Variants in GABBR1 observed in about 807,000 individuals in gnomAD.
GABBR1 encodes the protein GABA-B receptor, R1 subunit.
A neutral mutation model predicts 117.7 loss-of-function variants in GABBR1; 35 were observed. The ratio of observed to expected loss-of-function variants is 0.30; its 90% CI spans 0.23 to 0.39. The LOEUF is 0.39. Among genes scored for constraint, GABBR1 ranks in the 10% least tolerant of loss-of-function variants. GABBR1 has a pLI of 1.00. For missense variants in GABBR1, 709 were observed against 1,241.8 expected (o/e 0.57, Z 6.45); for synonymous variants, 442 against 486.6 (o/e 0.91, Z 1.21).
At position 29,632,343 on chromosome 6, in the gene GABBR1, G is replaced by C; in HGVS notation, c.43C>G (p.Pro15Ala). 1 of 1,364,776 alleles carries C rather than the reference G, an allele frequency of 7.3e-7. No individual in the cohort carries two copies. The highest frequency in any genetic ancestry group is 9.5e-7 in the Non-Finnish European group (1 of 1,054,636). 84.5% of individuals were successfully genotyped at this position (1,364,776 alleles called of 1,614,324 possible). A position where few individuals can be genotyped will look rare whatever the true frequency, so the allele number is the denominator to read the frequency against. Residue 15 changes from proline (P) to alanine (A), a missense_variant, in exon 2 of 23, where the codon CCG (proline) becomes GCG (alanine). Pro to Ala is a conservative substitution (Grantham distance 27). Around this residue, in one of 9 missense-constraint regions of GABBR1, gnomAD observed 43 missense variants for 42.8 expected, o/e 1.00. Transcript: ENST00000377034. The surrounding 1 kb of genome is among the most constrained non-coding windows in gnomAD (Gnocchi z 5.8). ...LLLAPLFLRP[P>A]GAGGAQTPNA... ...GGGGTCTGCGCCCCGCCCGCGCCCG[G>C]GGGGCGGAGGAAGAGTGGCGCCAGT...
rs779157319 is a variant in GABBR1 at position 29,621,061 on chromosome 6, A to G, written c.1323+40T>C. 5 of 1,578,418 alleles carry G rather than the reference A, an allele frequency of 3.2e-6. No individual in the cohort carries two copies. In the East Asian group the frequency reaches 8.9e-5, roughly 28 times the overall value. On this transcript the variant is annotated intron_variant, in intron 11 of 22. Coordinates refer to ENST00000377034, the MANE Select transcript of GABBR1 (RefSeq NM_001470.4). This position sits in a 1 kb window ranked among gnomAD's most constrained non-coding sequence, Gnocchi z 5.0. ...CTGCAAGGCCCCCTCAGTCCTCTCCACCCTCCCAGGTGCCAGACTGCAAGT... is the reference window on the plus strand; with the variant it reads ...CTGCAAGGCCCCCTCAGTCCTCTCCGCCCTCCCAGGTGCCAGACTGCAAGT...
chr6:29,629,118 G>A lies in GABBR1; in HGVS notation c.476-11C>T, dbSNP rs1371626924. On this transcript the variant is annotated splice_polypyrimidine_tract_variant and intron_variant, in intron 4 of 22. Transcript: ENST00000377034. ...GTGGCGTTCGATTCACTGGCAGCAGGAAAGACGGGGATCAGAGAAGAGTTA... is the reference window on the plus strand; with the variant it reads ...GTGGCGTTCGATTCACTGGCAGCAGAAAAGACGGGGATCAGAGAAGAGTTA... 1.2e-6 allele frequency: 2 copies of A among 1,612,972 alleles called. No individual in the cohort carries two copies. Among genetic ancestry groups the A allele is most frequent in the Non-Finnish European group, 1.7e-6 (2 of 1,180,010 alleles).
intron 11 of GABBR1, among the ~76,000 whole-genome samples, chr6:29,618,669 T>C (rs902722801): frequency 6.6e-6 from 1 of 152,100 alleles, no homozygotes; most frequent in Non-Finnish European, 1.5e-5. Flanking sequence ...ACCTCCCACA[T>C]TCCCCTCTAG....
rs1762262628 is a variant in GABBR1, at chr6:29,609,083, C to T, written c.1859+146G>A. 6.2e-6 allele frequency: 5 copies of T among 810,856 alleles called. No homozygotes were observed. The African/African-American group carries it at 6.9e-5, about 11-fold the overall frequency. 50.2% of individuals were successfully genotyped at this position (810,856 alleles called of 1,614,324 possible). ...TAGGAGTGGGGGTTATATCTGGTTT[C>T]CCTGTTTTCATTCTCAACAAGTCAG... On this transcript the variant is annotated intron_variant, in intron 15 of 22. Transcript: ENST00000377034. This position sits in a 1 kb window ranked among gnomAD's most constrained non-coding sequence, Gnocchi z 4.3.
chr6:29,625,130 C>T (rs1035813588), intron 6 of GABBR1, among the ~76,000 whole-genome samples: 1 of 152,142 alleles, frequency 6.6e-6, no homozygotes, highest in African/African-American at 2.4e-5. Context: ...ATCTGAAGAA[C>T]CAGCAGTCAC....
Position 29,627,464 on chromosome 6 carries a change from C to A in GABBR1, c.657+22G>T. 6.5e-7 allele frequency: 1 copy of A among 1,544,236 alleles called. No homozygotes were observed. ...TGCCCCGCAAGCCCCCACCTCCCAC[C>A]CACCCCCATGTCCAGGGCTACCTTG... On this transcript the variant is annotated intron_variant, in intron 6 of 22. Transcript: ENST00000377034. This position sits in a 1 kb window ranked among gnomAD's most constrained non-coding sequence, Gnocchi z 4.4.
chr6:29,604,406 TATCTCAGGCTTGGCTTCA>T lies in GABBR1; in HGVS notation c.2712+70_2712+87del. On this transcript the variant is annotated intron_variant, in intron 22 of 22. Transcript: ENST00000377034. This position sits in a 1 kb window ranked among gnomAD's most constrained non-coding sequence, Gnocchi z 5.3. ...CATGAGCCAAGAACATCTGACCCTGTATCTCAGGCTTGGCTTCAGACAACCCAAGCTAAGACGCAAGCC... is the reference window on the plus strand; with the variant it reads ...CATGAGCCAAGAACATCTGACCCTGTGACAACCCAAGCTAAGACGCAAGCC... 1 of 1,529,338 alleles carries T rather than the reference TATCTCAGGCTTGGCTTCA, an allele frequency of 6.5e-7. No homozygotes were observed. Among genetic ancestry groups the T allele is most frequent in the South Asian group, 1.1e-5 (1 of 87,678 alleles). The allele number at this position is 1,529,338 out of a possible 1,614,324, so 94.7% of individuals were successfully genotyped here.
At position 29,605,410 on chromosome 6, in the gene GABBR1, T is replaced by C; in HGVS notation, c.2439+159A>G. ...TAATGATACAATGTCTGTAGTGAGC[T>C]TTGTAAACTGTAAAGTGCTTTATAG... On this transcript the variant is annotated intron_variant, in intron 20 of 22. Coordinates refer to ENST00000377034, the MANE Select transcript of GABBR1 (RefSeq NM_001470.4). The surrounding 1 kb of genome is among the most constrained non-coding windows in gnomAD (Gnocchi z 4.2). 1.2e-6 allele frequency: 1 copy of C among 820,532 alleles called. No individual in the cohort carries two copies. Among genetic ancestry groups the C allele is most frequent in the Non-Finnish European group, 1.9e-6 (1 of 515,674 alleles). The allele number at this position is 820,532 out of a possible 1,614,324, so 50.8% of individuals were successfully genotyped here.
At position 29,621,913 on chromosome 6, in the gene GABBR1, T is replaced by C; in HGVS notation, c.1066-96A>G. ...ACAGCTTTGATTTCCCATCCCAAAG[T>C]GCTTAGTGCAGGGTAACGCTCAACG... On this transcript the variant is annotated intron_variant, in intron 9 of 22. Coordinates refer to ENST00000377034, the MANE Select transcript of GABBR1 (RefSeq NM_001470.4). This position sits in a 1 kb window ranked among gnomAD's most constrained non-coding sequence, Gnocchi z 5.0. 7.7e-7 allele frequency: 1 copy of C among 1,307,122 alleles called. No individual in the cohort carries two copies. Among genetic ancestry groups the C allele is most frequent in the Non-Finnish European group, 1.1e-6 (1 of 908,654 alleles). The allele number at this position is 1,307,122 out of a possible 1,614,324, so 81.0% of individuals were successfully genotyped here.
Position 29,608,723 on chromosome 6 carries a change from T to C in GABBR1, c.1870A>G (p.Asn624Asp). Residue 624 changes from asparagine (N) to aspartate (D), a missense_variant, in exon 16 of 23, where the codon AAC becomes GAC. By Grantham distance (23) the Asn-to-Asp change is conservative. Transcript: ENST00000377034. ...IYNSHVRYIQNSQPNLNNLTA... is the reference protein window; with the variant it reads ...IYNSHVRYIQDSQPNLNNLTA... ...AGGTTGTTCAGGTTGGGCTGTGAGT[T>C]CTGGATATAACTAGGGCAGAGGTGG... 6.2e-7 allele frequency: 1 copy of C among 1,612,990 alleles called. No individual in the cohort carries two copies. Among genetic ancestry groups the C allele is most frequent in the Non-Finnish European group, 8.5e-7 (1 of 1,179,996 alleles).
chr6:29,621,093 ACT>A lies in GABBR1; in HGVS notation c.1323+6_1323+7del, dbSNP rs1330972389. ...CAGGTGCCAGACTGCAAGTCCCCAC[ACT>A]CTCACCATGTTGGAAATGCTGCGGG... On this transcript the variant is annotated splice_donor_region_variant and intron_variant, in intron 11 of 22. Transcript: ENST00000377034. This position sits in a 1 kb window ranked among gnomAD's most constrained non-coding sequence, Gnocchi z 5.0. The A allele has an allele frequency of 1.2e-6, 2 of 1,609,772 alleles. No homozygotes were observed. Among genetic ancestry groups the A allele is most frequent in the Non-Finnish European group, 1.7e-6 (2 of 1,178,700 alleles).
At position 29,621,301 on chromosome 6, in the gene GABBR1, A is replaced by G; in HGVS notation, c.1132-9T>C. The stretch of plus-strand genomic sequence containing the variant: ...AGACGCTCCTTGTACACCTGAATAC[A>G]GAGGAGAATGGCTGAGTTTTTGTTT... On this transcript the variant is annotated splice_polypyrimidine_tract_variant and intron_variant, in intron 10 of 22. Coordinates refer to ENST00000377034, the MANE Select transcript of GABBR1 (RefSeq NM_001470.4). The surrounding 1 kb of genome is among the most constrained non-coding windows in gnomAD (Gnocchi z 5.0). 1 of 1,606,506 alleles carries G rather than the reference A, an allele frequency of 6.2e-7. No homozygotes were observed. Among genetic ancestry groups the G allele is most frequent in the Non-Finnish European group, 8.5e-7 (1 of 1,176,384 alleles).
rs1244218074 is a variant in GABBR1, at chr6:29,603,719, G to A, written c.2713-3C>T. On this transcript the variant is annotated splice_region_variant and splice_polypyrimidine_tract_variant and intron_variant, in intron 22 of 22. Coordinates refer to ENST00000377034, the MANE Select transcript of GABBR1 (RefSeq NM_001470.4). The stretch of plus-strand genomic sequence containing the variant: ...AGTTCAGAGACACGCTCCTCTTTCT[G>A]GAGGAAGAAGCACAATTGGGATAGT... The A allele has an allele frequency of 8.8e-6, 13 of 1,478,672 alleles. 1 individual carries two copies. The South Asian group carries it at 9.0e-5, about 10-fold the overall frequency. The allele number at this position is 1,478,672 out of a possible 1,614,324, so 91.6% of individuals were successfully genotyped here.
rs1761811137 is a variant in GABBR1 at position 29,605,068 on chromosome 6, G to A, written c.2440-80C>T. ...CAGAGTTTACTTCCCATGGGAGGGA[G>A]TCTATGCAGACAGTTTCCTGGTGAA... On this transcript the variant is annotated intron_variant, in intron 20 of 22. Coordinates refer to ENST00000377034, the MANE Select transcript of GABBR1 (RefSeq NM_001470.4). The surrounding 1 kb of genome is among the most constrained non-coding windows in gnomAD (Gnocchi z 4.2). The A allele has an allele frequency of 1.4e-6, 2 of 1,402,680 alleles. No homozygotes were observed. Among genetic ancestry groups the A allele is most frequent in the Admixed American group, 2.6e-5 (1 of 37,838 alleles). 86.9% of individuals were successfully genotyped at this position (1,402,680 alleles called of 1,614,324 possible).
In GABBR1 at chr6:29,632,535, G is replaced by C; in HGVS notation, c.1-150C>G. 1 of 896,176 alleles carries C rather than the reference G, an allele frequency of 1.1e-6. No individual in the cohort carries two copies. 55.5% of individuals were successfully genotyped at this position (896,176 alleles called of 1,614,324 possible). A position where few individuals can be genotyped will look rare whatever the true frequency, so the allele number is the denominator to read the frequency against. ...AGCGCCCCGCGGAGGAGGCGGGGGC[G>C]GAGCCCCGCGCGGGGTGGGGGGAGA... On this transcript the variant is annotated intron_variant, in intron 1 of 22. Coordinates refer to ENST00000377034, the MANE Select transcript of GABBR1 (RefSeq NM_001470.4). This position sits in a 1 kb window ranked among gnomAD's most constrained non-coding sequence, Gnocchi z 5.8.
In GABBR1 at chr6:29,620,271, C is replaced by G. The variant is rs1763611225; in HGVS notation, c.1323+830G>C. ...CATGAATCTAAGTACCACACAAATG[C>G]CACTGTTAGTAAAACTTTTTAAATC... On this transcript the variant is annotated intron_variant, in intron 11 of 22. Coordinates refer to ENST00000377034, the MANE Select transcript of GABBR1 (RefSeq NM_001470.4). The surrounding 1 kb of genome is among the most constrained non-coding windows in gnomAD (Gnocchi z 4.5). Among the ~76,000 whole-genome samples the G allele has an allele frequency of 1.3e-5, 2 of 152,216 alleles. No homozygotes were observed. Among genetic ancestry groups the G allele is most frequent in the African/African-American group, 4.8e-5 (2 of 41,446 alleles).
In GABBR1 at chr6:29,606,119, GAGGTGGGGTTACCCC is replaced by G. The variant is rs1761927787; in HGVS notation, c.2311+257_2311+271del. The G allele has an allele frequency of 1.1e-5, 6 of 557,270 alleles. No individual in the cohort carries two copies. In the South Asian group the frequency reaches 1.3e-4, roughly 12 times the overall value. The allele number at this position is 557,270 out of a possible 1,614,324, so 34.5% of individuals were successfully genotyped here. ...GATCTAAAAGATAATGTCAAGTCTG[GAGGTGGGGTTACCCC>G]CACTTGTTCCTCTGCTGAACACAAG... is the stretch of plus-strand genomic sequence containing the variant. On this transcript the variant is annotated intron_variant, in intron 19 of 22. Transcript: ENST00000377034. The surrounding 1 kb of genome is among the most constrained non-coding windows in gnomAD (Gnocchi z 4.5).
chr6:29,632,650 C>G lies in GABBR1; in HGVS notation c.-1+200G>C. The stretch of plus-strand genomic sequence containing the variant: ...CCACCTCTCACCACCTCCTCTCCCC[C>G]GGCCCCCGCGGCTCGCAGAAGCCTG... On this transcript the variant is annotated intron_variant, in intron 1 of 22. Coordinates refer to ENST00000377034, the MANE Select transcript of GABBR1 (RefSeq NM_001470.4). This position sits in a 1 kb window ranked among gnomAD's most constrained non-coding sequence, Gnocchi z 5.8. 1 of 1,452,780 alleles carries G rather than the reference C, an allele frequency of 6.9e-7. No homozygotes were observed. Among genetic ancestry groups the G allele is most frequent in the South Asian group, 1.3e-5 (1 of 77,794 alleles). The allele number at this position is 1,452,780 out of a possible 1,614,324, so 90.0% of individuals were successfully genotyped here. A position where few individuals can be genotyped will look rare whatever the true frequency, so the allele number is the denominator to read the frequency against.
intron 6 of GABBR1, among the ~76,000 whole-genome samples, chr6:29,624,932 G>T (rs544855115): frequency 7.6e-4 from 115 of 152,258 alleles, no homozygotes; most frequent in Non-Finnish European, 1.2e-3. Context: ...AGCCAGTGGG[G>T]AGCCAGGGCA....
Sources: allele counts gnomAD v4.1 joint callset (sites outside exome capture counted in the v4.1 genomes callset), GRCh38; gene constraint gnomAD v4.1.1; regional missense constraint gnomAD v4.1.1; non-coding constraint Gnocchi (gnomAD v3.1); transcripts MANE v1.5; gene names NCBI Gene and HGNC (gene_info 2026-07-23, HGNC 2026-07-21).